Variants in SND1 observed in about 807,000 individuals in gnomAD.
SND1 encodes staphylococcal nuclease and tudor domain containing 1.
Under a neutral mutation model 121.7 loss-of-function variants are expected in SND1, and 38 were observed. The observed-to-expected ratio is 0.31, with a 90% CI of 0.24 to 0.41. The LOEUF (loss-of-function observed/expected upper bound fraction) is 0.41. SND1 is among the 10% of genes least tolerant of loss of function. The pLI is 1.00. For synonymous variants in SND1, 401 were observed against 447.4 expected (o/e 0.90, Z 1.31); for missense variants, 868 against 1,184.6 (o/e 0.73, Z 3.92).
chr7:127,867,411 C>T (rs1285761179), intron 12 of SND1, among the ~76,000 whole-genome samples: 1 of 152,180 alleles, frequency 6.6e-6, no homozygotes, highest in Non-Finnish European at 1.5e-5. Context: ...CCTCTTCTTA[C>T]CACTATTCAG....
chr7:127,844,876 C>CTGTA (rs573631226), intron 12 of SND1, among the ~76,000 whole-genome samples: 107 of 152,266 alleles, frequency 7.0e-4, no homozygotes, highest in African/African-American at 2.5e-3. Context: ...GCTGTACTGG[C>CTGTA]TGTAACCTGG....
intron 15 of SND1, among the ~76,000 whole-genome samples, chr7:127,934,756 A>G (rs776322821): frequency 2.0e-5 from 3 of 152,200 alleles, no homozygotes; most frequent in Non-Finnish European, 4.4e-5. Flanking sequence ...TGGAATATCC[A>G]TGAGAATGTT....
intron 16 of SND1, among the ~76,000 whole-genome samples, chr7:127,995,850 A>G (rs1802638697): frequency 6.6e-6 from 1 of 152,216 alleles, no homozygotes; most frequent in African/African-American, 2.4e-5. Context: ...TGTAGGAGGT[A>G]CAGTTTCTGA....
At chr7:127,851,851 A>G (rs1417607551) in intron 12 of SND1, among the ~76,000 whole-genome samples, 2 of 152,202 alleles carry the variant, frequency 1.3e-5, no homozygotes, top group African/African-American at 2.4e-5. Context: ...GAGAACATTT[A>G]AAACTAAAAG....
chr7:127,744,171 A>AGG (rs1796935905), intron 10 of SND1, among the ~76,000 whole-genome samples: 1 of 152,192 alleles, frequency 6.6e-6, no homozygotes, highest in Non-Finnish European at 1.5e-5. Flanking sequence ...ACACTGATTT[A>AGG]GGGAAGATCT....
chr7:127,698,592 C>T (rs146944111), intron 3 of SND1, among the ~76,000 whole-genome samples: 13 of 152,222 alleles, frequency 8.5e-5, no homozygotes, highest in Admixed American at 6.5e-5. Context: ...CTTTCTTGTC[C>T]GTCTCCCATG....
At chr7:127,948,358 A>G (rs1490059195) in intron 15 of SND1, among the ~76,000 whole-genome samples, 1 of 152,216 alleles carries the variant, frequency 6.6e-6, no homozygotes, top group Non-Finnish European at 1.5e-5. Flanking sequence ...CTAAAATGCC[A>G]TGATCTTATG....
chr7:127,754,201 G>C (rs1456242980), intron 10 of SND1, among the ~76,000 whole-genome samples: 2 of 152,172 alleles, frequency 1.3e-5, no homozygotes, highest in African/African-American at 4.8e-5. Flanking sequence ...TTATCTTCTT[G>C]AGTGAAAATA....
At chr7:128,040,049 T>C (rs973774221) in intron 16 of SND1, among the ~76,000 whole-genome samples, 10 of 152,042 alleles carry the variant, frequency 6.6e-5, no homozygotes, top group African/African-American at 2.4e-4. Context: ...TACCTGTCAG[T>C]CCCCAAATTT....
chr7:127,859,345 G>A (rs1359948890), intron 12 of SND1, among the ~76,000 whole-genome samples: 1 of 152,202 alleles, frequency 6.6e-6, no homozygotes, highest in East Asian at 1.9e-4. Context: ...CCAGTTGGCA[G>A]TTCTATTCTG....
chr7:127,830,637 A>G (rs1426185361), intron 11 of SND1, among the ~76,000 whole-genome samples: 4 of 152,136 alleles, frequency 2.6e-5, no homozygotes, highest in African/African-American at 4.8e-5. Flanking sequence ...GTATATATGT[A>G]TCCAATGACC....
intron 14 of SND1, among the ~76,000 whole-genome samples, chr7:127,906,046 G>A (rs1398785960): frequency 1.3e-5 from 2 of 152,122 alleles, no homozygotes; most frequent in African/African-American, 2.4e-5. Flanking sequence ...CCTTGCCTAG[G>A]TGTAGTGGTT....
At chr7:127,836,982 T>C (rs564557544) in intron 11 of SND1, among the ~76,000 whole-genome samples, 16 of 152,356 alleles carry the variant, frequency 1.1e-4, no homozygotes, top group African/African-American at 3.8e-4. Flanking sequence ...GAAATTCTTT[T>C]TCTGAACTAA....
At chr7:128,065,857 C>A (rs1407831500) in intron 16 of SND1, among the ~76,000 whole-genome samples, 3 of 152,228 alleles carry the variant, frequency 2.0e-5, no homozygotes, top group Non-Finnish European at 4.4e-5. Flanking sequence ...TTCAGGCATG[C>A]CTGCTCTGGC....
At chr7:127,740,349 T>C (rs775140358) in intron 10 of SND1, among the ~76,000 whole-genome samples, 1 of 152,176 alleles carries the variant, frequency 6.6e-6, no homozygotes, top group Non-Finnish European at 1.5e-5. Flanking sequence ...CATGTGTTGA[T>C]TTGGAATAAA....
At chr7:127,858,135 G>A (rs1799315751) in intron 12 of SND1, 3 of 844,086 alleles carry the variant, frequency 3.6e-6, no homozygotes, top group Non-Finnish European at 4.2e-6. Flanking sequence ...TGTCTAGGGA[G>A]TGTGGGGGTG....
At chr7:127,824,084 A>T (rs947511158) in intron 11 of SND1, among the ~76,000 whole-genome samples, 31 of 152,356 alleles carry the variant, frequency 2.0e-4, no homozygotes, top group African/African-American at 7.5e-4. Context: ...CAAACTTTTT[A>T]AAAAAGTAAA....
At chr7:127,783,026 G>T (rs530417706) in intron 10 of SND1, among the ~76,000 whole-genome samples, 24 of 152,304 alleles carry the variant, frequency 1.6e-4, no homozygotes, top group Admixed American at 1.5e-3. Flanking sequence ...GGAGAATGGG[G>T]ACTCATGGTA....
chr7:127,881,763 C>T (rs1001982847), intron 12 of SND1, among the ~76,000 whole-genome samples: 15 of 152,078 alleles, frequency 9.9e-5, no homozygotes, highest in African/African-American at 2.9e-4. Context: ...GTTTTTGAGA[C>T]AGTCTCACTC....
Sources: gnomAD v4.1 joint callset for allele counts (sites outside exome capture counted in the v4.1 genomes callset) on GRCh38, gnomAD v4.1.1 for gene constraint, MANE v1.5 for transcripts, NCBI Gene and HGNC (gene_info 2026-07-23, HGNC 2026-07-21) for gene names.